The following CHLSN variants were observed in gnomAD, a reference collection of about 807,000 sequenced individuals.
CHLSN encodes protein cholesin.
chr7:1,016,821 A>G, the CHLSN span, among the ~76,000 whole-genome samples: 7 of 65,400 alleles, frequency 1.1e-4, no homozygotes, highest in African/African-American at 4.6e-4. Context: ...ACCAGCGCAC[A>G]GCAGCGCACA....
At chr7:1,084,956 G>C in the CHLSN span, among the ~76,000 whole-genome samples, 1 of 152,234 alleles carries the variant, frequency 6.6e-6, no homozygotes, top group Non-Finnish European at 1.5e-5. Context: ...GGGTTGCTCA[G>C]TCAGTCAGTG....
At chr7:1,012,550 C>T in the CHLSN span, among the ~76,000 whole-genome samples, 2 of 152,264 alleles carry the variant, frequency 1.3e-5, no homozygotes, top group East Asian at 1.9e-4. Context: ...GCCACCAGCG[C>T]TCCCGACCTG....
At chr7:1,079,570 T>G in the CHLSN span, among the ~76,000 whole-genome samples, 2 of 152,170 alleles carry the variant, frequency 1.3e-5, no homozygotes, top group Non-Finnish European at 2.9e-5. Flanking sequence ...GGGAAAACAT[T>G]CAATAAACCA....
the CHLSN span, chr7:997,607 C>T: frequency 7.2e-6 from 11 of 1,537,188 alleles, no homozygotes; most frequent in South Asian, 1.2e-5. Flanking sequence ...GCAGCGGCCC[C>T]GCCCCGCGCT....
chr7:1,011,018 A>G, the CHLSN span, among the ~76,000 whole-genome samples: 1 of 151,840 alleles, frequency 6.6e-6, no homozygotes, highest in East Asian at 1.9e-4. Context: ...AGGGAGAGCA[A>G]AGAAGAGTGA....
chr7:1,034,379 C>T, the CHLSN span, among the ~76,000 whole-genome samples: 2 of 144,900 alleles, frequency 1.4e-5, no homozygotes, highest in African/African-American at 2.5e-5. Context: ...CAACTCCTAC[C>T]GTAAATTTCA....
chr7:1,037,477 C>A, the CHLSN span, among the ~76,000 whole-genome samples: 1 of 134,360 alleles, frequency 7.4e-6, no homozygotes, highest in African/African-American at 2.7e-5. Flanking sequence ...AGCCCCTAAC[C>A]GCGAGTGATC....
the CHLSN span, among the ~76,000 whole-genome samples, chr7:1,105,521 G>A: frequency 7.5e-4 from 115 of 152,340 alleles, 2 homozygotes; most frequent in East Asian, 0.021. Flanking sequence ...TTACTGTGGT[G>A]ACACTATGTG....
chr7:1,034,358 C>T, the CHLSN span, among the ~76,000 whole-genome samples: 2 of 150,918 alleles, frequency 1.3e-5, no homozygotes, highest in East Asian at 3.9e-4. Flanking sequence ...AATTGAGGTA[C>T]ATGTTTCATG....
At chr7:1,030,749 TC>T in the CHLSN span, among the ~76,000 whole-genome samples, 1 of 126,250 alleles carries the variant, frequency 7.9e-6, no homozygotes, top group Non-Finnish European at 1.7e-5. Context: ...TCTCTCTCTC[TC>T]CCGGGGCACG....
At chr7:978,451 C>T in the CHLSN span, among the ~76,000 whole-genome samples, 1 of 152,054 alleles carries the variant, frequency 6.6e-6, no homozygotes, top group Non-Finnish European at 1.5e-5. Flanking sequence ...CCTGGGAGGT[C>T]GAGGCTGCAG....
chr7:1,031,465 C>T, the CHLSN span, among the ~76,000 whole-genome samples: 2 of 78,380 alleles, frequency 2.6e-5, no homozygotes, highest in African/African-American at 8.8e-5. Flanking sequence ...CAGAGTGGTC[C>T]GGGGGACCAG....
At chr7:1,040,183 T>TAAAAAA in the CHLSN span, among the ~76,000 whole-genome samples, 605 of 74,458 alleles carry the variant, frequency 8.1e-3, 10 homozygotes, top group African/African-American at 0.024. Flanking sequence ...AAAATAAATT[T>TAAAAAA]AAAAAAAAAA....
chr7:1,096,498 C>T, the CHLSN span, among the ~76,000 whole-genome samples: 1 of 152,158 alleles, frequency 6.6e-6, no homozygotes, highest in Non-Finnish European at 1.5e-5. This position sits in a 1 kb window ranked among gnomAD's most constrained non-coding sequence, Gnocchi z 4.6. Context: ...CCGTGGGTGC[C>T]GCCGGCGCAG....
the CHLSN span, among the ~76,000 whole-genome samples, chr7:1,100,781 AC>A: frequency 7.6e-4 from 115 of 151,206 alleles, 1 homozygote; most frequent in South Asian, 9.6e-3. Flanking sequence ...AAAAAAAAAA[AC>A]AAAACAAAAC....
the CHLSN span, among the ~76,000 whole-genome samples, chr7:1,035,371 G>A: frequency 6.6e-6 from 1 of 152,370 alleles, no homozygotes; most frequent in East Asian, 1.9e-4. Context: ...ATTCCTCTGA[G>A]CGTAAACCCA....
chr7:1,082,542 G>C, the CHLSN span, among the ~76,000 whole-genome samples: 1 of 152,188 alleles, frequency 6.6e-6, no homozygotes, highest in East Asian at 1.9e-4. Flanking sequence ...CAGGAGGAGG[G>C]GCCAGCATGG....
the CHLSN span, among the ~76,000 whole-genome samples, chr7:1,023,749 CA>C: frequency 6.6e-6 from 1 of 152,146 alleles, no homozygotes; most frequent in East Asian, 1.9e-4. The surrounding 1 kb of genome is among the most constrained non-coding windows in gnomAD (Gnocchi z 5.0). Flanking sequence ...TGAGGATCTC[CA>C]GGGGTGACTG....
At chr7:1,001,778 G>A in the CHLSN span, among the ~76,000 whole-genome samples, 2 of 103,722 alleles carry the variant, frequency 1.9e-5, no homozygotes, top group Non-Finnish European at 3.8e-5. Flanking sequence ...GGTGAGTGGA[G>A]TCCTGTGGGT....
Sources: gnomAD v4.1 joint callset for allele counts (sites outside exome capture counted in the v4.1 genomes callset) on GRCh38, gnomAD v4.1.1 for gene constraint, Gnocchi (gnomAD v3.1) non-coding constraint, MANE v1.5 for transcripts, NCBI Gene and HGNC (gene_info 2026-07-23, HGNC 2026-07-21) for gene names.